Variants in MUSK observed in about 807,000 individuals in gnomAD.
The protein encoded by MUSK is muscle, skeletal receptor tyrosine-protein kinase.
Under a neutral mutation model 88.7 loss-of-function variants are expected in MUSK, and 55 were observed. That is an observed-to-expected ratio of 0.62 (90% CI 0.50 to 0.78). The LOEUF (loss-of-function observed/expected upper bound fraction) is 0.78, where lower values mean the gene tolerates loss of function less well. Ranked by LOEUF, MUSK falls within the 30% of genes least tolerant of loss-of-function variation. The pLI, the probability that MUSK is intolerant of heterozygous loss-of-function variation, is 0.00. For synonymous variants in MUSK, 387 were observed against 391.9 expected (o/e 0.99, Z 0.15); for missense variants, 1,015 against 1,074.3 (o/e 0.94, Z 0.77).
chr9:110,770,353 TAAA>T (rs1345518121), intron 9 of MUSK, among the ~76,000 whole-genome samples: 3 of 146,372 alleles, frequency 2.0e-5, no homozygotes, highest in African/African-American at 7.4e-5. Context: ...ATATTAATAA[TAAA>T]TAATACTTAA....
intron 7 of MUSK, among the ~76,000 whole-genome samples, chr9:110,751,660 G>C (rs1288870051): frequency 6.6e-6 from 1 of 152,118 alleles, no homozygotes; most frequent in African/African-American, 2.4e-5. Context: ...CTTTAGAGTG[G>C]GGAGAAGTTG....
At chr9:110,786,310 CAA>C (rs60666436) in intron 13 of MUSK, among the ~76,000 whole-genome samples, 14 of 75,460 alleles carry the variant, frequency 1.9e-4, no homozygotes, top group South Asian at 4.4e-4. Flanking sequence ...GACTCTGTCT[CAA>C]AAAAAAAAAA....
chr9:110,698,950 C>T (rs1004075036), intron 5 of MUSK, among the ~76,000 whole-genome samples: 12 of 152,194 alleles, frequency 7.9e-5, no homozygotes, highest in African/African-American at 2.9e-4. Flanking sequence ...AGAATTAATG[C>T]TATCCATTTG....
chr9:110,773,147 G>A (rs938755727), intron 9 of MUSK, among the ~76,000 whole-genome samples: 8 of 151,988 alleles, frequency 5.3e-5, no homozygotes, highest in African/African-American at 1.9e-4. Flanking sequence ...GTACTACACT[G>A]AGCATTTGGG....
chr9:110,735,235 A>G (rs1419660531), intron 6 of MUSK, among the ~76,000 whole-genome samples: 1 of 152,152 alleles, frequency 6.6e-6, no homozygotes, highest in African/African-American at 2.4e-5. Context: ...GAAAATCAGT[A>G]TATCTAAGAG....
chr9:110,780,099 AG>A (rs2077727823), intron 11 of MUSK, among the ~76,000 whole-genome samples: 1 of 152,188 alleles, frequency 6.6e-6, no homozygotes, highest in Admixed American at 6.5e-5. Flanking sequence ...AGGAGGATTT[AG>A]CCTGTTCATA....
At chr9:110,680,695 T>G (rs1182877987) in intron 1 of MUSK, among the ~76,000 whole-genome samples, 1 of 151,808 alleles carries the variant, frequency 6.6e-6, no homozygotes, top group African/African-American at 2.4e-5. Flanking sequence ...TGTATTTCTT[T>G]TTTAAATCTG....
At chr9:110,740,847 A>G (rs186421288) in intron 6 of MUSK, among the ~76,000 whole-genome samples, 6 of 152,308 alleles carry the variant, frequency 3.9e-5, no homozygotes, top group Admixed American at 6.5e-5. Flanking sequence ...GCGTCTCGAC[A>G]TGGATAACCT....
chr9:110,687,127 A>G lies in MUSK; in HGVS notation c.217A>G (p.Thr73Ala), dbSNP rs1021042074. Residue 73 changes from threonine to alanine, a missense_variant, in exon 3 of 15, where the codon ACC (threonine) becomes GCC (alanine). Coordinates refer to ENST00000374448, the MANE Select transcript of MUSK (RefSeq NM_005592.4). ...TTCTGTGACCTGCAGACTCTTTGACACCCGGTACAGCATCCGGGAGAATGG... is the reference window on the plus strand; with the variant it reads ...TTCTGTGACCTGCAGACTCTTTGACGCCCGGTACAGCATCCGGGAGAATGG... ...RNKILIKLFD[T>A]RYSIRENGQL... 3.1e-6 allele frequency: 5 copies of G among 1,613,200 alleles called. No homozygotes were observed. Among genetic ancestry groups the G allele is most frequent in the Non-Finnish European group, 4.2e-6 (5 of 1,179,498 alleles).
At chr9:110,689,032 A>G (rs1475510518) in intron 3 of MUSK, among the ~76,000 whole-genome samples, 1 of 140,982 alleles carries the variant, frequency 7.1e-6, no homozygotes, top group Non-Finnish European at 1.5e-5. Context: ...ATAAATACGT[A>G]TAACTATATA....
intron 11 of MUSK, among the ~76,000 whole-genome samples, chr9:110,784,584 G>GA (rs905324257): frequency 2.5e-4 from 37 of 147,074 alleles, no homozygotes; most frequent in South Asian, 6.4e-4. Context: ...ATTTATCTCA[G>GA]AAAAAAAAAA....
At chr9:110,783,451 G>A (rs1276958805) in intron 11 of MUSK, among the ~76,000 whole-genome samples, 1 of 151,720 alleles carries the variant, frequency 6.6e-6, no homozygotes, top group African/African-American at 2.4e-5. Flanking sequence ...TTCAAATTTG[G>A]GGATTAATAT....
intron 5 of MUSK, among the ~76,000 whole-genome samples, chr9:110,712,312 A>C (rs1220263325): frequency 6.6e-6 from 1 of 152,096 alleles, no homozygotes; most frequent in Non-Finnish European, 1.5e-5. Flanking sequence ...ATCCAATTTG[A>C]AGCTTAGTCA....
intron 14 of MUSK, among the ~76,000 whole-genome samples, chr9:110,797,877 A>G: frequency 6.6e-6 from 1 of 152,204 alleles, no homozygotes; most frequent in East Asian, 1.9e-4. Context: ...TTGACTCTGT[A>G]TTCGTATACA....
chr9:110,768,356 G>A (rs1448963168), intron 9 of MUSK, among the ~76,000 whole-genome samples: 1 of 152,090 alleles, frequency 6.6e-6, no homozygotes, highest in Non-Finnish European at 1.5e-5. Context: ...AAATTAGCCA[G>A]GTGTGGTGGT....
intron 3 of MUSK, among the ~76,000 whole-genome samples, chr9:110,693,557 G>T (rs1019720498): frequency 1.3e-5 from 2 of 152,176 alleles, no homozygotes; most frequent in Admixed American, 1.3e-4. Context: ...AGTTCTGATT[G>T]GTCAGTACTT....
At chr9:110,747,877 G>T in intron 7 of MUSK, 77 bp downstream of exon 7, 1 of 1,526,544 alleles carries the variant, frequency 6.6e-7, no homozygotes. Flanking sequence ...GAGCATTGGA[G>T]AAAATCTCCC....
At chr9:110,694,776 A>G (rs1242034239) in intron 3 of MUSK, among the ~76,000 whole-genome samples, 7 of 152,228 alleles carry the variant, frequency 4.6e-5, no homozygotes, top group Non-Finnish European at 8.8e-5. Flanking sequence ...GAGAATAAAA[A>G]TTAACTGGCA....
At chr9:110,681,682 C>G (rs2076138598) in intron 1 of MUSK, among the ~76,000 whole-genome samples, 1 of 151,878 alleles carries the variant, frequency 6.6e-6, no homozygotes, top group Admixed American at 6.6e-5. Context: ...TCCCACTCAC[C>G]ATTTTTTTTC....
Sources: allele counts gnomAD v4.1 joint callset (sites outside exome capture counted in the v4.1 genomes callset), GRCh38; gene constraint gnomAD v4.1.1; transcripts MANE v1.5; gene names NCBI Gene and HGNC (gene_info 2026-07-23, HGNC 2026-07-21).